TAB3: variants seen among roughly 807,000 people sequenced by gnomAD.
The protein encoded by TAB3 is TGF-beta activated kinase 1 (MAP3K7) binding protein 3, also known as TGF-beta-activated kinase 1 and MAP3K7-binding protein 3.
Under a neutral mutation model 48.1 loss-of-function variants are expected in TAB3, and 18 were observed. That is an observed-to-expected ratio of 0.37 (90% CI 0.26 to 0.55). The LOEUF is 0.55. Ranked by LOEUF, TAB3 falls within the 20% of genes least tolerant of loss-of-function variation. TAB3 has a pLI of 0.78. For missense variants in TAB3, 414 were observed against 549.8 expected, an observed-to-expected ratio of 0.75 and a Z score of 2.47; for synonymous variants, 185 against 190.2, an observed-to-expected ratio of 0.97 and a Z score of 0.22.
chrX:30,845,876 A>T (rs1247645954), intron 8 of TAB3: 1 of 698,800 alleles, frequency 1.4e-6, no homozygotes, highest in African/African-American at 2.3e-5. Flanking sequence ...TTGGGGACAG[A>T]ATCAACTCTT....
chrX:30,879,547 T>C (rs1194540322), intron 1 of TAB3, among the ~76,000 whole-genome samples: 2 of 111,980 alleles, frequency 1.8e-5, no homozygotes, highest in African/African-American at 3.2e-5. Flanking sequence ...TAAAATCCAG[T>C]ATCTATTCAT....
At position 30,859,643 on chromosome X, in the gene TAB3, C is replaced by T; in HGVS notation, c.-55G>A. On this transcript the variant is annotated 5_prime_UTR_variant, in exon 5 of 11. An upstream open reading frame in the 5' UTR gains an earlier in-frame stop. Coordinates refer to ENST00000288422, the MANE Select transcript of TAB3 (RefSeq NM_152787.5). ...TAGGAAATGGATGTTAACCGGCTTT[C>T]CAAAAGTAATGATCTTCTAGCACCA... 1 of 828,702 alleles carries T rather than the reference C, an allele frequency of 1.2e-6. No individual in the cohort carries two copies. The highest frequency in any genetic ancestry group is 1.8e-6 in the Non-Finnish European group (1 of 567,713). The allele number at this position is 828,702 out of a possible 1,213,427, so 68.3% of individuals were successfully genotyped here. A position where few individuals can be genotyped will look rare whatever the true frequency, so the allele number is the denominator to read the frequency against.
intron 9 of TAB3, among the ~76,000 whole-genome samples, chrX:30,840,635 A>G (rs940660435): frequency 4.5e-5 from 5 of 111,012 alleles, no homozygotes; most frequent in East Asian, 2.8e-4. Context: ...GATGGTTATT[A>G]TAAGGGAGAG....
chrX:30,861,887 T>C (rs1283902122), intron 4 of TAB3, among the ~76,000 whole-genome samples: 2 of 112,649 alleles, frequency 1.8e-5, no homozygotes, highest in Non-Finnish European at 3.8e-5. Flanking sequence ...ATTTTTCAAA[T>C]GATATCTTTG....
chrX:30,879,796 C>T (rs939113416), intron 1 of TAB3, among the ~76,000 whole-genome samples: 6 of 111,457 alleles, frequency 5.4e-5, no homozygotes, highest in Non-Finnish European at 1.1e-4. Flanking sequence ...AGAAACAAGA[C>T]TTTATTTGCA....
In TAB3 at chrX:30,879,002, C is replaced by G. The variant is rs144404233; in HGVS notation, c.-382-7201G>C. ...TTAAATATGTATGTCAGGAAGGAAA[C>G]AAGGGTATAAACACCTACCTACCCA... On this transcript the variant is annotated intron_variant, in intron 1 of 10. Coordinates refer to ENST00000288422, the MANE Select transcript of TAB3 (RefSeq NM_152787.5). Among the ~76,000 whole-genome samples the G allele has an allele frequency of 4.5e-3, 504 of 110,885 alleles. 5 individuals are homozygous for G. The highest frequency in any genetic ancestry group is 0.015 in the African/African-American group (468 of 30,522).
Position 30,852,674 on chromosome X carries a change from AC to A in TAB3, c.1710+103del, listed in dbSNP as rs1215114382. 2.7e-4 allele frequency: 244 copies of A among 904,679 alleles called. 1 individual carries two copies. Among genetic ancestry groups the A allele is most frequent in the Middle Eastern group, 3.8e-4 (1 of 2,629 alleles). 74.6% of individuals were successfully genotyped at this position (904,679 alleles called of 1,213,427 possible). On this transcript the variant is annotated intron_variant, in intron 7 of 10. Transcript: ENST00000288422. ...AAAAAAAGCAACAATAACAACAACA[AC>A]AAAAAACCGGAACTCTGCCAGGAAT...
intron 5 of TAB3, among the ~76,000 whole-genome samples, chrX:30,859,217 G>A (rs909440223): frequency 9.0e-6 from 1 of 110,964 alleles, no homozygotes. Context: ...TCACAACTGC[G>A]GGGATGCTAT....
At chrX:30,863,622 T>G (rs749293275) in intron 4 of TAB3, among the ~76,000 whole-genome samples, 34 of 112,270 alleles carry the variant, frequency 3.0e-4, no homozygotes, top group Middle Eastern at 4.6e-3. Flanking sequence ...CCATATTACA[T>G]GCCTGCTCTT....
In TAB3 at chrX:30,855,456, C is replaced by T. The variant is rs1300406346; in HGVS notation, c.209G>A (p.Arg70His). The change falls in exon 6 of 11, where the codon CGC becomes CAC. Residue 70 changes from arginine (R) to histidine (H), a missense_variant. By Grantham distance (29) the Arg-to-His change is conservative (BLOSUM62 0). Transcript: ENST00000288422. The stretch of plus-strand genomic sequence containing the variant: ...GATACCCAGGTTAATATGTAAAAGG[C>T]GATTTCTATTCATCCTATTGTCATC... Reference protein sequence around the residue: ...SPDDNRMNRNRLLHINLGIHS... With the variant: ...SPDDNRMNRNHLLHINLGIHS... The T allele has an allele frequency of 8.3e-7, 1 of 1,210,927 alleles. No homozygotes were observed.
In TAB3 at chrX:30,868,538, TTATATATA is replaced by T. The variant is rs1223730766; in HGVS notation, c.-279-997_-279-990del. On this transcript the variant is annotated intron_variant, in intron 2 of 10. Transcript: ENST00000288422. The stretch of plus-strand genomic sequence containing the variant: ...TAGCTTATATATATATATATATAGC[TTATATATA>T]TATATATATATATATATAGCTTATA... Among the ~76,000 whole-genome samples the T allele has an allele frequency of 9.4e-3, 21 of 2,235 alleles. 2 individuals are homozygous for T. The highest frequency in any genetic ancestry group is 0.05 in the African/African-American group (17 of 339). The allele number at this position is 2,235 out of a possible 115,157, so 1.9% of individuals were successfully genotyped here. A position where few individuals can be genotyped will look rare whatever the true frequency, so the allele number is the denominator to read the frequency against.
intron 10 of TAB3, among the ~76,000 whole-genome samples, chrX:30,832,026 G>A (rs752429946): frequency 8.9e-6 from 1 of 111,817 alleles, no homozygotes; most frequent in Non-Finnish European, 1.9e-5. Context: ...CTTCTTCCAT[G>A]ACAACTTAAG....
chrX:30,882,602 C>A (rs1395638453), intron 1 of TAB3, among the ~76,000 whole-genome samples: 1 of 111,810 alleles, frequency 8.9e-6, no homozygotes, highest in South Asian at 3.7e-4. Context: ...ACCTAGCCTT[C>A]GAGTATGTGC....
rs1343767253 is a variant in TAB3, at chrX:30,829,768, C to G, written c.*1659G>C. The G allele has an allele frequency of 1.9e-5, 2 of 103,528 alleles. No homozygotes were observed. Among genetic ancestry groups the G allele is most frequent in the African/African-American group, 7.3e-5 (2 of 27,477 alleles). The allele number at this position is 103,528 out of a possible 1,213,427, so 8.5% of individuals were successfully genotyped here. A position where few individuals can be genotyped will look rare whatever the true frequency, so the allele number is the denominator to read the frequency against. On this transcript the variant is annotated 3_prime_UTR_variant, in exon 11 of 11. Coordinates refer to ENST00000288422, the MANE Select transcript of TAB3 (RefSeq NM_152787.5). ...GGAAAACTATGATGAGTTATTACGC[C>G]TTTGGTTTCATTATGCTATTAAGAG...
rs764328627 is a variant in TAB3, at chrX:30,831,391, A to G, written c.*36T>C. The G allele has an allele frequency of 6.7e-6, 8 of 1,189,086 alleles. No homozygotes were observed. The highest frequency in any genetic ancestry group is 9.1e-6 in the Non-Finnish European group (8 of 883,521). ...TTCCTTTTCTTCTGGTAGTGCTCAA[A>G]GTTTCACTTTCAACCTGGCGCAGAC... On this transcript the variant is annotated 3_prime_UTR_variant, in exon 11 of 11. Coordinates refer to ENST00000288422, the MANE Select transcript of TAB3 (RefSeq NM_152787.5).
In TAB3 at chrX:30,854,453, C is replaced by T. The variant is rs371431555; in HGVS notation, c.1212G>A (p.Thr404=). 5.0e-6 allele frequency: 6 copies of T among 1,209,271 alleles called. No homozygotes were observed. Among genetic ancestry groups the T allele is most frequent in the South Asian group, 1.8e-5 (1 of 56,769 alleles). ...CTCTTGAAGGAGAACTTGAAGGTGG[C>T]GTGGTGGCTGTGTACAGTGAGTGTT... The part of the protein sequence containing the change: ...RNQHSLYTAT[T]PPSSSPSRGI... Residue 404 remains threonine, a synonymous_variant, in exon 6 of 11, where the codon ACG becomes ACA. Coordinates refer to ENST00000288422, the MANE Select transcript of TAB3 (RefSeq NM_152787.5).
Position 30,829,831 on chromosome X carries a change from A to AC in TAB3, c.*1595_*1596insG, listed in dbSNP as rs1265736682. On this transcript the variant is annotated 3_prime_UTR_variant, in exon 11 of 11. Coordinates refer to ENST00000288422, the MANE Select transcript of TAB3 (RefSeq NM_152787.5). The stretch of plus-strand genomic sequence containing the variant: ...CCAGGTCTGCCAGAGATTACTGCTA[A>AC]ATTAGAAGTGGGGGGGCGGTGTAGG... The AC allele has an allele frequency of 2.2e-5, 2 of 91,428 alleles. No individual in the cohort carries two copies. The highest frequency in any genetic ancestry group is 8.1e-5 in the African/African-American group (2 of 24,572). 7.5% of individuals were successfully genotyped at this position (91,428 alleles called of 1,213,427 possible). A position where few individuals can be genotyped will look rare whatever the true frequency, so the allele number is the denominator to read the frequency against.
At position 30,846,045 on chromosome X, in the gene TAB3, T is replaced by A. The variant is rs749669178; in HGVS notation, c.1804+506A>T. 4.9e-6 allele frequency: 5 copies of A among 1,012,409 alleles called. No homozygotes were observed. The African/African-American group carries it at 7.8e-5, about 16-fold the overall frequency. 83.4% of individuals were successfully genotyped at this position (1,012,409 alleles called of 1,213,427 possible). On this transcript the variant is annotated intron_variant, in intron 8 of 10. Transcript: ENST00000288422. ...CTGGTGAGTTGGGTAAATGAAAGTT[T>A]AAGAGAGCTTCTGCTGTAGTATACT...
chrX:30,859,479 T>C lies in TAB3; in HGVS notation c.102+8A>G, dbSNP rs1352091131. 8.4e-7 allele frequency: 1 copy of C among 1,190,609 alleles called. No individual in the cohort carries two copies. Among genetic ancestry groups the C allele is most frequent in the Non-Finnish European group, 1.1e-6 (1 of 878,170 alleles). On this transcript the variant is annotated splice_region_variant and intron_variant, in intron 5 of 10. Transcript: ENST00000288422. The stretch of plus-strand genomic sequence containing the variant: ...ACTTAATATCACTATCACTGGTAGG[T>C]AACTTACCTGTAACATGCACTGAGA...
Sources: allele counts gnomAD v4.1 joint callset (sites outside exome capture counted in the v4.1 genomes callset), GRCh38; gene constraint gnomAD v4.1.1; transcripts MANE v1.5; gene names NCBI Gene and HGNC (gene_info 2026-07-23, HGNC 2026-07-21).